Variants in GPR39 observed in about 807,000 individuals in gnomAD.
The protein encoded by GPR39 is G protein-coupled receptor 39.
In GPR39, 23 loss-of-function variants were observed where a neutral mutation model predicts 18.4. That is an observed-to-expected ratio of 1.25 (90% CI 0.90 to 1.77). The LOEUF (loss-of-function observed/expected upper bound fraction) is 1.77, where lower values mean the gene tolerates loss of function less well. Ranked by LOEUF, GPR39 falls within the 40% of genes most tolerant of loss-of-function variation. The pLI, the probability that GPR39 is intolerant of heterozygous loss-of-function variation, is 0.00. For synonymous variants in GPR39, 280 were observed against 257.9 expected, an observed-to-expected ratio of 1.09 and a Z score of -0.82; for missense variants, 647 against 602.4, an observed-to-expected ratio of 1.07 and a Z score of -0.78.
intron 1 of GPR39, among the ~76,000 whole-genome samples, chr2:132,511,662 C>G (rs910606631): frequency 4.6e-5 from 7 of 152,086 alleles, no homozygotes; most frequent in African/African-American, 1.7e-4. Flanking sequence ...CTAAAGTAGC[C>G]AGGTGAGGGT....
At chr2:132,492,708 T>G (rs1681510904) in intron 1 of GPR39, among the ~76,000 whole-genome samples, 1 of 142,530 alleles carries the variant, frequency 7.0e-6, no homozygotes, top group South Asian at 2.2e-4. Flanking sequence ...ATATAATATA[T>G]ATACACACCA....
At chr2:132,601,934 A>G (rs1168061205) in intron 1 of GPR39, among the ~76,000 whole-genome samples, 1 of 152,118 alleles carries the variant, frequency 6.6e-6, no homozygotes, top group Non-Finnish European at 1.5e-5. Flanking sequence ...AAGATAACCC[A>G]TGCTCATGGA....
intron 1 of GPR39, among the ~76,000 whole-genome samples, chr2:132,520,143 C>G (rs1313432952): frequency 1.3e-5 from 2 of 152,106 alleles, no homozygotes; most frequent in East Asian, 3.9e-4. Context: ...CCTTTCCTCC[C>G]CTCTTTTGGC....
chr2:132,524,762 A>C (rs920802569), intron 1 of GPR39, among the ~76,000 whole-genome samples: 2 of 152,194 alleles, frequency 1.3e-5, no homozygotes, highest in Non-Finnish European at 2.9e-5. Context: ...ATAAATTTTA[A>C]AGATGTAGGA....
At chr2:132,459,822 G>A (rs1680800743) in intron 1 of GPR39, among the ~76,000 whole-genome samples, 1 of 152,210 alleles carries the variant, frequency 6.6e-6, no homozygotes, top group African/African-American at 2.4e-5. Flanking sequence ...ATGACACTGA[G>A]CAATGTCATT....
chr2:132,458,851 G>T (rs915783762), intron 1 of GPR39, among the ~76,000 whole-genome samples: 2 of 152,112 alleles, frequency 1.3e-5, no homozygotes, highest in Middle Eastern at 3.4e-3. Context: ...TTATAGAGCT[G>T]TTCACAATGC....
intron 1 of GPR39, among the ~76,000 whole-genome samples, chr2:132,605,507 G>A (rs1046106802): frequency 2.0e-5 from 3 of 152,188 alleles, no homozygotes; most frequent in Non-Finnish European, 4.4e-5. Flanking sequence ...GGGAACTCAC[G>A]TCTGCTCACT....
At chr2:132,553,075 A>G (rs1211291820) in intron 1 of GPR39, among the ~76,000 whole-genome samples, 1 of 151,254 alleles carries the variant, frequency 6.6e-6, no homozygotes, top group East Asian at 1.9e-4. Context: ...ACAGGTGTGC[A>G]CCACCATGCC....
chr2:132,520,181 T>C (rs2315598), intron 1 of GPR39, among the ~76,000 whole-genome samples: 67,572 of 152,046 alleles, frequency 0.44, 16,521 homozygotes, highest in Non-Finnish European at 0.56. Context: ...TTAATTTACT[T>C]TCTTTATAAG....
chr2:132,572,891 G>A (rs1010553585), intron 1 of GPR39, among the ~76,000 whole-genome samples: 2 of 152,204 alleles, frequency 1.3e-5, no homozygotes, highest in Non-Finnish European at 2.9e-5. Context: ...ATGAGATACT[G>A]TTATGGCCAG....
intron 1 of GPR39, among the ~76,000 whole-genome samples, chr2:132,486,333 C>A (rs1367206405): frequency 6.6e-6 from 1 of 152,164 alleles, no homozygotes; most frequent in Non-Finnish European, 1.5e-5. Context: ...TTAAAATTAC[C>A]AGCTGCAGCT....
At chr2:132,557,977 A>AGTG (rs1057397412) in intron 1 of GPR39, among the ~76,000 whole-genome samples, 1 of 122,438 alleles carries the variant, frequency 8.2e-6, no homozygotes, top group South Asian at 2.9e-4. Flanking sequence ...AGCTGCACTG[A>AGTG]GTGGTGGTGG....
chr2:132,618,435 T>C (rs1315796278), intron 1 of GPR39, among the ~76,000 whole-genome samples: 1 of 152,264 alleles, frequency 6.6e-6, no homozygotes, highest in African/African-American at 2.4e-5. Flanking sequence ...AGCCTTGAAT[T>C]GTCACTTAAG....
chr2:132,462,254 C>A (rs1178299033), intron 1 of GPR39, among the ~76,000 whole-genome samples: 1 of 152,184 alleles, frequency 6.6e-6, no homozygotes, highest in Non-Finnish European at 1.5e-5. Flanking sequence ...CAGAGTAGAC[C>A]ACCAGAGGCC....
At chr2:132,577,127 G>T (rs1030547071) in intron 1 of GPR39, among the ~76,000 whole-genome samples, 2 of 150,278 alleles carry the variant, frequency 1.3e-5, no homozygotes, top group South Asian at 2.1e-4. Flanking sequence ...AGGCTGAGGT[G>T]GGGGGTATCA....
intron 1 of GPR39, among the ~76,000 whole-genome samples, chr2:132,563,680 G>C (rs1400347785): frequency 4.6e-5 from 7 of 152,258 alleles, no homozygotes; most frequent in African/African-American, 1.4e-4. Context: ...CTACCTGGGG[G>C]ACTTGCAGAA....
At chr2:132,583,868 T>G (rs1214159908) in intron 1 of GPR39, among the ~76,000 whole-genome samples, 1 of 151,876 alleles carries the variant, frequency 6.6e-6, no homozygotes, top group African/African-American at 2.4e-5. Flanking sequence ...TTCTTCACAC[T>G]GTGACCTCCA....
intron 1 of GPR39, among the ~76,000 whole-genome samples, chr2:132,621,091 G>A (rs941709084): frequency 2.6e-5 from 4 of 152,044 alleles, no homozygotes; most frequent in African/African-American, 2.4e-5. Flanking sequence ...CAGAGAAATC[G>A]GGAAAGACCT....
intron 1 of GPR39, among the ~76,000 whole-genome samples, chr2:132,612,724 T>C (rs1681257529): frequency 6.6e-6 from 1 of 152,274 alleles, no homozygotes; most frequent in South Asian, 2.1e-4. Context: ...ATCTTCATTA[T>C]TGTAACTTTA....
Sources: gnomAD v4.1 joint callset for allele counts (sites outside exome capture counted in the v4.1 genomes callset) on GRCh38, gnomAD v4.1.1 for gene constraint, MANE v1.5 for transcripts, NCBI Gene and HGNC (gene_info 2026-07-23, HGNC 2026-07-21) for gene names.